CEP112: variants seen among roughly 807,000 people sequenced by gnomAD.
CEP112 encodes the protein centrosomal protein 112, also known as centrosomal protein of 112 kDa.
A neutral mutation model predicts 153.0 loss-of-function variants in CEP112; 127 were observed. The ratio of observed to expected loss-of-function variants is 0.83; its 90% CI spans 0.72 to 0.96. CEP112 has a LOEUF of 0.96. CEP112 is among the 40% of genes least tolerant of loss of function. The pLI is 0.00. For synonymous variants in CEP112, 358 were observed against 374.4 expected (o/e 0.96, Z 0.51); for missense variants, 1,089 against 1,101.2 (o/e 0.99, Z 0.16).
At chr17:65,676,528 C>A (rs2047241345) in intron 24 of CEP112, among the ~76,000 whole-genome samples, 1 of 151,810 alleles carries the variant, frequency 6.6e-6, no homozygotes, top group African/African-American at 2.4e-5. Context: ...ATTGACAAAC[C>A]AAGTCTAAAA....
intron 24 of CEP112, among the ~76,000 whole-genome samples, chr17:65,649,835 C>T (rs1317906292): frequency 6.6e-6 from 1 of 152,156 alleles, no homozygotes; most frequent in African/African-American, 2.4e-5. Flanking sequence ...ATGTTATCTC[C>T]TTAATCTCTT....
chr17:65,673,779 T>C (rs1472000846), intron 24 of CEP112, among the ~76,000 whole-genome samples: 3 of 152,322 alleles, frequency 2.0e-5, no homozygotes, highest in South Asian at 2.1e-4. Flanking sequence ...AATTAAAATA[T>C]TGAATAAAAA....
intron 23 of CEP112, among the ~76,000 whole-genome samples, chr17:65,742,002 TA>T (rs1228009202): frequency 1.3e-3 from 188 of 141,244 alleles, no homozygotes; most frequent in Admixed American, 1.6e-3. Context: ...AAAATGTCAT[TA>T]AAAAAAAAAA....
At chr17:66,113,933 C>T (rs941854672) in intron 6 of CEP112, among the ~76,000 whole-genome samples, 6 of 152,148 alleles carry the variant, frequency 3.9e-5, no homozygotes, top group South Asian at 2.1e-4. Flanking sequence ...ACAAGTAACA[C>T]GGAACTTGAA....
At chr17:65,742,365 T>TA (rs1247554775) in intron 23 of CEP112, among the ~76,000 whole-genome samples, 1 of 152,236 alleles carries the variant, frequency 6.6e-6, no homozygotes, top group Non-Finnish European at 1.5e-5. Context: ...TGTTCTCTTT[T>TA]AAACCTTATT....
At chr17:66,035,587 C>T (rs569119202) in intron 12 of CEP112, among the ~76,000 whole-genome samples, 1 of 152,308 alleles carries the variant, frequency 6.6e-6, no homozygotes, top group South Asian at 2.1e-4. Context: ...GGCAATCACA[C>T]TTCTGCTTAT....
At chr17:65,831,401 C>T (rs1024983563) in intron 21 of CEP112, among the ~76,000 whole-genome samples, 2 of 151,796 alleles carry the variant, frequency 1.3e-5, no homozygotes, top group African/African-American at 4.8e-5. Flanking sequence ...ACTAAAAATA[C>T]AAAAAATTAG....
At chr17:66,091,527 G>A (rs568391665) in intron 8 of CEP112, among the ~76,000 whole-genome samples, 8 of 152,020 alleles carry the variant, frequency 5.3e-5, no homozygotes, top group Admixed American at 3.9e-4. Context: ...AAAACTTATG[G>A]GATACAGCAA....
chr17:66,064,876 C>T (rs936037823), intron 10 of CEP112, among the ~76,000 whole-genome samples: 3 of 152,078 alleles, frequency 2.0e-5, no homozygotes, highest in Admixed American at 1.3e-4. Context: ...AAAACCTAAA[C>T]GAATTTATAA....
chr17:66,071,621 A>G (rs17632736), intron 8 of CEP112, among the ~76,000 whole-genome samples: 55,156 of 151,912 alleles, frequency 0.36, 11,090 homozygotes, highest in Non-Finnish European at 0.45. Flanking sequence ...CAAGTTAGGA[A>G]TAAATACCTG....
At chr17:66,055,185 T>C (rs545997658) in intron 11 of CEP112, among the ~76,000 whole-genome samples, 1 of 152,268 alleles carries the variant, frequency 6.6e-6, no homozygotes, top group East Asian at 1.9e-4. Context: ...AGATGGAAGC[T>C]AGGGCAGAAT....
intron 18 of CEP112, among the ~76,000 whole-genome samples, chr17:65,936,840 T>C (rs2061327548): frequency 1.1e-5 from 1 of 90,818 alleles, no homozygotes; most frequent in Non-Finnish European, 2.2e-5. Flanking sequence ...TCTCCCTCTC[T>C]TTCCACGGTC....
chr17:66,187,650 C>T (rs1034189072), intron 1 of CEP112, among the ~76,000 whole-genome samples: 1 of 152,186 alleles, frequency 6.6e-6, no homozygotes, highest in African/African-American at 2.4e-5. Context: ...TCCTTAGTCT[C>T]CTTTTGATCT....
chr17:65,850,204 A>G (rs907126385), intron 21 of CEP112, among the ~76,000 whole-genome samples: 8 of 151,198 alleles, frequency 5.3e-5, no homozygotes, highest in South Asian at 2.1e-4. Flanking sequence ...CCTGAACTGT[A>G]TATTTTAGCA....
intron 17 of CEP112, among the ~76,000 whole-genome samples, chr17:65,991,171 T>C (rs58128644): frequency 6.6e-6 from 1 of 152,206 alleles, no homozygotes; most frequent in African/African-American, 2.4e-5. Flanking sequence ...ATAAACTTTT[T>C]AAATAATTTA....
chr17:65,686,870 T>TC (rs958934185), intron 24 of CEP112, among the ~76,000 whole-genome samples: 13 of 151,968 alleles, frequency 8.6e-5, no homozygotes, highest in African/African-American at 2.7e-4. Flanking sequence ...TCCAGTTTTT[T>TC]TTTTATTTGC....
intron 5 of CEP112, among the ~76,000 whole-genome samples, 182 bp from the exon 6 acceptor site, chr17:66,130,005 A>G (rs2070059914): frequency 6.6e-6 from 1 of 151,714 alleles, no homozygotes; most frequent in Admixed American, 6.6e-5. Context: ...GGGGGAAGGG[A>G]GGGAGAAAAA....
chr17:65,691,401 GA>G (rs1425695726), intron 23 of CEP112, among the ~76,000 whole-genome samples: 1 of 152,132 alleles, frequency 6.6e-6, no homozygotes, highest in African/African-American at 2.4e-5. Flanking sequence ...CCTAGAAAGA[GA>G]AAAACCATAG....
At chr17:66,138,976 G>A (rs1270993096) in intron 4 of CEP112, among the ~76,000 whole-genome samples, 1 of 151,826 alleles carries the variant, frequency 6.6e-6, no homozygotes, top group Non-Finnish European at 1.5e-5. Context: ...AGGATTCAGT[G>A]AAAGCAGTGC....
Sources: gnomAD v4.1 joint callset for allele counts (sites outside exome capture counted in the v4.1 genomes callset) on GRCh38, gnomAD v4.1.1 for gene constraint, MANE v1.5 for transcripts, NCBI Gene and HGNC (gene_info 2026-07-23, HGNC 2026-07-21) for gene names.